ZFAND3: variants seen among roughly 807,000 people sequenced by gnomAD.
ZFAND3 encodes the protein AN1-type zinc finger protein 3.
Under a neutral mutation model 29.6 loss-of-function variants are expected in ZFAND3, and 10 were observed. That is an observed-to-expected ratio of 0.34 (90% CI 0.21 to 0.57). ZFAND3 has a LOEUF of 0.57. Ranked by LOEUF, ZFAND3 falls within the 20% of genes least tolerant of loss-of-function variation. ZFAND3 has a pLI of 0.86. For missense variants in ZFAND3, 230 were observed against 304.5 expected, an observed-to-expected ratio of 0.76 and a Z score of 1.82; for synonymous variants, 128 against 112.6, an observed-to-expected ratio of 1.14 and a Z score of -0.87.
intron 1 of ZFAND3, among the ~76,000 whole-genome samples, chr6:37,897,207 C>G (rs997396703): frequency 1.1e-4 from 16 of 152,242 alleles, no homozygotes; most frequent in African/African-American, 3.9e-4. Context: ...TACTTAAAGC[C>G]TTGTCTGTAC....
chr6:37,870,292 CAAA>C (rs1174577231), intron 1 of ZFAND3, among the ~76,000 whole-genome samples: 26 of 33,494 alleles, frequency 7.8e-4, no homozygotes, highest in African/African-American at 2.9e-3. Context: ...GAGACTGTCT[CAAA>C]AAAAAAAAAA....
intron 2 of ZFAND3, among the ~76,000 whole-genome samples, chr6:37,970,917 CCAAACAAACAAA>C (rs201703751): frequency 7.8e-6 from 1 of 128,690 alleles, no homozygotes; most frequent in Non-Finnish European, 1.8e-5. Context: ...AACAAACAAA[CCAAACAAACAAA>C]CAAACAAACA....
intron 2 of ZFAND3, among the ~76,000 whole-genome samples, chr6:38,001,472 T>A (rs563449498): frequency 1.2e-4 from 18 of 152,234 alleles, no homozygotes; most frequent in Non-Finnish European, 1.5e-4. Flanking sequence ...TCCTGCCCAG[T>A]TCATTTATTT....
intron 1 of ZFAND3, among the ~76,000 whole-genome samples, chr6:37,899,019 G>A (rs895223779): frequency 2.0e-5 from 3 of 151,968 alleles, no homozygotes; most frequent in Non-Finnish European, 2.9e-5. Context: ...CCTCAGCCTC[G>A]CAAGTAGCCG....
intron 5 of ZFAND3, among the ~76,000 whole-genome samples, chr6:38,127,951 CTCT>C (rs764451036): frequency 4.1e-4 from 62 of 152,290 alleles, no homozygotes; most frequent in Middle Eastern, 6.8e-3. Context: ...CCCAGACTAT[CTCT>C]TCTGAAGTAC....
chr6:37,995,863 A>G (rs1052575451), intron 2 of ZFAND3, among the ~76,000 whole-genome samples: 6 of 152,180 alleles, frequency 3.9e-5, no homozygotes, highest in African/African-American at 1.4e-4. Flanking sequence ...ACTGTGGCTC[A>G]CACCTGTCAT....
chr6:37,986,628 C>T (rs988577894), intron 2 of ZFAND3, among the ~76,000 whole-genome samples: 1 of 152,146 alleles, frequency 6.6e-6, no homozygotes, highest in African/African-American at 2.4e-5. Flanking sequence ...TTTATGTTGA[C>T]CTGGCTTTTA....
intron 1 of ZFAND3, among the ~76,000 whole-genome samples, chr6:37,882,298 C>T (rs567954262): frequency 2.0e-5 from 3 of 152,194 alleles, no homozygotes; most frequent in East Asian, 1.9e-4. Flanking sequence ...AGCCCCTCCC[C>T]GTAGGCTCTT....
chr6:38,145,480 TA>T (rs1766086487), intron 5 of ZFAND3, among the ~76,000 whole-genome samples: 1 of 152,244 alleles, frequency 6.6e-6, no homozygotes, highest in South Asian at 2.1e-4. Flanking sequence ...CATGTAGGTT[TA>T]GTCTCAAAAC....
chr6:37,914,711 C>A (rs570715179), intron 1 of ZFAND3, among the ~76,000 whole-genome samples: 73 of 128,810 alleles, frequency 5.7e-4, no homozygotes, highest in Middle Eastern at 4.5e-3. Flanking sequence ...CTGTGTTAGC[C>A]AGGATGGTCT....
chr6:37,982,166 A>G (rs1335050296), intron 2 of ZFAND3, among the ~76,000 whole-genome samples: 1 of 151,306 alleles, frequency 6.6e-6, no homozygotes, highest in Non-Finnish European at 1.5e-5. Context: ...CTTTGTCCAC[A>G]AGGAATTTCC....
At chr6:37,846,048 T>TA (rs1764171485) in intron 1 of ZFAND3, among the ~76,000 whole-genome samples, 1 of 152,196 alleles carries the variant, frequency 6.6e-6, no homozygotes, top group African/African-American at 2.4e-5. Context: ...CAGGCCCTGA[T>TA]TAAATACCTG....
intron 2 of ZFAND3, among the ~76,000 whole-genome samples, chr6:38,049,277 G>A (rs757465640): frequency 1.3e-4 from 20 of 152,168 alleles, no homozygotes; most frequent in Non-Finnish European, 2.8e-4. Flanking sequence ...TTAAGAAGTC[G>A]GAAGAGGAAT....
At chr6:38,151,069 G>A (rs903855073) in intron 5 of ZFAND3, among the ~76,000 whole-genome samples, 4 of 152,312 alleles carry the variant, frequency 2.6e-5, no homozygotes, top group Admixed American at 2.6e-4. Flanking sequence ...AGACTCTGGG[G>A]ACCTCAGACG....
intron 4 of ZFAND3, among the ~76,000 whole-genome samples, chr6:38,103,252 T>A (rs1313110866): frequency 6.6e-6 from 1 of 152,060 alleles, no homozygotes; most frequent in Admixed American, 6.6e-5. Flanking sequence ...CTTTGTTATA[T>A]GTTGTTTTCC....
chr6:38,057,425 G>C (rs1366669331), intron 2 of ZFAND3, among the ~76,000 whole-genome samples: 1 of 152,204 alleles, frequency 6.6e-6, no homozygotes, highest in Non-Finnish European at 1.5e-5. Context: ...AAAATGAAGA[G>C]ATAACTCTTA....
chr6:37,974,718 G>GCT (rs1212525869), intron 2 of ZFAND3, among the ~76,000 whole-genome samples: 1 of 152,060 alleles, frequency 6.6e-6, no homozygotes, highest in East Asian at 1.9e-4. Context: ...GTTTGGTCTG[G>GCT]CTACTTTCAC....
chr6:38,082,603 G>A, intron 4 of ZFAND3, 146 bp downstream of exon 4: 1 of 675,206 alleles, frequency 1.5e-6, no homozygotes, highest in South Asian at 2.1e-5. Flanking sequence ...TCACGGCGGA[G>A]TGTCAGCAGA....
chr6:38,039,894 T>C (rs1024603579), intron 2 of ZFAND3, among the ~76,000 whole-genome samples: 3 of 152,196 alleles, frequency 2.0e-5, no homozygotes, highest in Non-Finnish European at 4.4e-5. Flanking sequence ...TGCTTTGTTT[T>C]TAATATTTTT....
Sources: gnomAD v4.1 joint callset for allele counts (sites outside exome capture counted in the v4.1 genomes callset) on GRCh38, gnomAD v4.1.1 for gene constraint, MANE v1.5 for transcripts, NCBI Gene and HGNC (gene_info 2026-07-23, HGNC 2026-07-21) for gene names.